Variants in XPO4 observed in about 807,000 individuals in gnomAD.
XPO4 encodes the protein exportin-4.
A neutral mutation model predicts 143.0 loss-of-function variants in XPO4; 39 were observed. The ratio of observed to expected loss-of-function variants is 0.27; its 90% CI spans 0.21 to 0.36. The LOEUF is 0.36. Among genes scored for constraint, XPO4 ranks in the 10% least tolerant of loss-of-function variants. The pLI is 1.00. For synonymous variants in XPO4, 439 were observed against 474.0 expected, an observed-to-expected ratio of 0.93 and a Z score of 0.96; for missense variants, 907 against 1,348.0, an observed-to-expected ratio of 0.67 and a Z score of 5.12.
intron 6 of XPO4, among the ~76,000 whole-genome samples, chr13:20,839,011 C>A (rs894293342): frequency 5.9e-5 from 9 of 152,132 alleles, no homozygotes; most frequent in Admixed American, 4.6e-4. Context: ...CACCTGTAAT[C>A]CCAGCACTTT....
chr13:20,849,628 C>G, intron 4 of XPO4: 1 of 985,096 alleles, frequency 1.0e-6, no homozygotes, highest in Non-Finnish European at 1.2e-6. Flanking sequence ...CATAACTGCC[C>G]ACAAGCTTGA....
chr13:20,890,600 A>T (rs71426102), intron 1 of XPO4, among the ~76,000 whole-genome samples: 8,706 of 151,934 alleles, frequency 0.057, 635 homozygotes, highest in African/African-American at 0.17. Flanking sequence ...GGAGTTCAAG[A>T]CCAGCCTGGA....
chr13:20,894,545 T>C (rs1325200291), intron 1 of XPO4, among the ~76,000 whole-genome samples: 1 of 152,098 alleles, frequency 6.6e-6, no homozygotes, highest in Non-Finnish European at 1.5e-5. Flanking sequence ...ATTTTAAAAG[T>C]AGATTTTTTT....
At chr13:20,822,808 TCA>T (rs1439574637) in intron 7 of XPO4, among the ~76,000 whole-genome samples, 2 of 152,364 alleles carry the variant, frequency 1.3e-5, no homozygotes, top group East Asian at 1.9e-4. Context: ...TTATTAATTC[TCA>T]GTTTGCTTAC....
chr13:20,789,788 GCA>G (rs2059255660), intron 19 of XPO4, among the ~76,000 whole-genome samples: 1 of 152,004 alleles, frequency 6.6e-6, no homozygotes, highest in East Asian at 1.9e-4. Flanking sequence ...ATGCACATGT[GCA>G]CATACACACA....
intron 1 of XPO4, among the ~76,000 whole-genome samples, chr13:20,891,818 G>A (rs550952449): frequency 7.4e-5 from 11 of 148,442 alleles, no homozygotes; most frequent in South Asian, 6.4e-4. Context: ...AGCCGACATC[G>A]CACCACAGCA....
chr13:20,830,263 T>C (rs1410327071), intron 6 of XPO4, among the ~76,000 whole-genome samples: 2 of 152,188 alleles, frequency 1.3e-5, no homozygotes, highest in Admixed American at 1.3e-4. Flanking sequence ...TAGTATGTAA[T>C]ATCTATCAGA....
At chr13:20,865,139 A>ATT (rs35116814) in intron 2 of XPO4, among the ~76,000 whole-genome samples, 3 of 142,382 alleles carry the variant, frequency 2.1e-5, no homozygotes, top group Non-Finnish European at 4.6e-5. Context: ...TTCATCTAGC[A>ATT]TTTTTTTTTT....
At chr13:20,801,023 T>G in intron 13 of XPO4, 33 bp from the exon 14 acceptor site, 1 of 1,595,258 alleles carries the variant, frequency 6.3e-7, no homozygotes, top group African/African-American at 1.4e-5. Flanking sequence ...ATTTATTCTT[T>G]TATTTATTTA....
At chr13:20,857,892 T>G in intron 3 of XPO4, 1 of 985,292 alleles carries the variant, frequency 1.0e-6, no homozygotes, top group South Asian at 4.7e-5. Flanking sequence ...TATACAAATT[T>G]TATTTCAATT....
rs1393222570 is a variant in XPO4, at chr13:20,786,989, G to A, written c.3234C>T (p.Phe1078=). 6.4e-7 allele frequency: 1 copy of A among 1,559,492 alleles called. No homozygotes were observed. The highest frequency in any genetic ancestry group is 1.4e-5 in the African/African-American group (1 of 73,548). The change falls in exon 22 of 23, where the codon TTC becomes TTT. Residue 1078 remains phenylalanine, a synonymous_variant. Transcript: ENST00000255305. ...CCTGGTGCAAACACACCAACGTGTA[G>A]AAAGCTTCGCCAGCCGCAGTGGTCA... The part of the protein sequence containing the change: ...TEMTTAAGEA[F]YTLVCLHQAE...
chr13:20,795,153 A>G (rs1595060869), intron 18 of XPO4, among the ~76,000 whole-genome samples: 1 of 152,312 alleles, frequency 6.6e-6, no homozygotes, highest in East Asian at 1.9e-4. Context: ...GAAGAAGCCA[A>G]AAATGTCCAC....
chr13:20,883,190 G>C (rs773949093), intron 1 of XPO4, among the ~76,000 whole-genome samples: 2 of 152,136 alleles, frequency 1.3e-5, no homozygotes, highest in Admixed American at 6.5e-5. Flanking sequence ...AGTTATCTTC[G>C]TTAACTCTCT....
intron 4 of XPO4, chr13:20,849,808 A>T (rs1422153855): frequency 1.0e-6 from 1 of 985,234 alleles, no homozygotes; most frequent in African/African-American, 1.7e-5. Flanking sequence ...ATATTTTTTA[A>T]AAATACACAC....
At chr13:20,850,831 A>T in intron 4 of XPO4, 1 of 985,436 alleles carries the variant, frequency 1.0e-6, no homozygotes, top group Non-Finnish European at 1.2e-6. Context: ...GCCAGACTAC[A>T]TACAGTTTCT....
rs535278932 is a variant in XPO4 at position 20,890,552 on chromosome 13, G to A, written c.69+12118C>T. Among the ~76,000 whole-genome samples, 20 of 151,754 alleles carry A rather than the reference G, an allele frequency of 1.3e-4. 1 individual carries two copies. The highest frequency in any genetic ancestry group is 4.6e-4 in the African/African-American group (19 of 41,434). Reference sequence around the variant, plus strand: ...GGTGGCTCATGCTTGTAATCCCAGCGCTTAGGGAGGCTGAGGCAGGCAGAT... The same window carrying A: ...GGTGGCTCATGCTTGTAATCCCAGCACTTAGGGAGGCTGAGGCAGGCAGAT... On this transcript the variant is annotated intron_variant, in intron 1 of 22. Coordinates refer to ENST00000255305, the MANE Select transcript of XPO4 (RefSeq NM_022459.5).
chr13:20,837,037 G>C (rs2059924188), intron 6 of XPO4, among the ~76,000 whole-genome samples: 1 of 152,106 alleles, frequency 6.6e-6, no homozygotes. Context: ...CCCATTATAT[G>C]GGTATACCAC....
rs564307075 is a variant in XPO4, at chr13:20,850,636, G to A, written c.456+4991C>T. The A allele has an allele frequency of 2.9e-5, 8 of 278,050 alleles. No homozygotes were observed. The South Asian group carries it at 9.8e-4, about 34-fold the overall frequency. The allele number at this position is 278,050 out of a possible 1,614,324, so 17.2% of individuals were successfully genotyped here. A position where few individuals can be genotyped will look rare whatever the true frequency, so the allele number is the denominator to read the frequency against. On this transcript the variant is annotated intron_variant, in intron 4 of 22. Coordinates refer to ENST00000255305, the MANE Select transcript of XPO4 (RefSeq NM_022459.5). ...TAAAATTAGCCAGGTACAGTGGCAC[G>A]TACCAACAGTCCCAGCTACTCAGGA...
chr13:20,821,625 T>G, intron 9 of XPO4, 79 bp downstream of exon 9: 3 of 1,439,650 alleles, frequency 2.1e-6, no homozygotes, highest in Non-Finnish European at 2.8e-6. Context: ...AAATAATTAC[T>G]TGTCATGAGA....
Sources: gnomAD v4.1 joint callset for allele counts (sites outside exome capture counted in the v4.1 genomes callset) on GRCh38, gnomAD v4.1.1 for gene constraint, MANE v1.5 for transcripts, NCBI Gene and HGNC (gene_info 2026-07-23, HGNC 2026-07-21) for gene names.